Variants in ZZEF1 observed in about 807,000 individuals in gnomAD.
ZZEF1 encodes zinc finger ZZ-type and EF-hand domain-containing protein 1.
Under a neutral mutation model 342.8 loss-of-function variants are expected in ZZEF1, and 157 were observed. The observed-to-expected ratio is 0.46, with a 90% CI of 0.40 to 0.52. ZZEF1 has a LOEUF of 0.52. Among genes scored for constraint, ZZEF1 ranks in the 20% least tolerant of loss-of-function variants. The probability of loss-of-function intolerance (pLI) is 0.00; values close to 1 mark genes in which losing one functional copy is unlikely to be tolerated. For synonymous variants in ZZEF1, 1,505 were observed against 1,429.1 expected (o/e 1.05, Z -1.20); for missense variants, 3,480 against 3,725.6 (o/e 0.93, Z 1.72).
chr17:4,013,290 A>C (rs1451671463), intron 52 of ZZEF1, among the ~76,000 whole-genome samples, 159 bp downstream of exon 52: 1 of 152,234 alleles, frequency 6.6e-6, no homozygotes, highest in Non-Finnish European at 1.5e-5. Flanking sequence ...CAAATAAGAC[A>C]CCAAGAACGC....
Position 4,009,696 on chromosome 17 carries a change from C to G in ZZEF1, c.8641G>C (p.Gly2881Arg), listed in dbSNP as rs566419498. Reference protein sequence around the residue: ...LWQLFTHMEYGLFEDVTQPGI... With the variant: ...LWQLFTHMEYRLFEDVTQPGI... The stretch of plus-strand genomic sequence containing the variant: ...GGCTGCGTCACGTCCTCAAACAGGC[C>G]GTACTCCATGTGGGTAAAGAGCTGC... Residue 2881 changes from glycine (G) to arginine (R), a missense_variant, in exon 53 of 55, where the codon GGC (glycine) becomes CGC (arginine). Around this residue, in one of 5 missense-constraint regions of ZZEF1, gnomAD observed 1,269 missense variants for 1,342.4 expected, o/e 0.95. Transcript: ENST00000381638. 2 of 1,614,040 alleles carry G rather than the reference C, an allele frequency of 1.2e-6. No homozygotes were observed. Among genetic ancestry groups the G allele is most frequent in the East Asian group, 4.5e-5 (2 of 44,868 alleles).
At chr17:4,102,516 GCTAA>G in intron 8 of ZZEF1, 101 bp from the exon 9 acceptor site, 1 of 971,616 alleles carries the variant, frequency 1.0e-6, no homozygotes, top group South Asian at 1.5e-5. Flanking sequence ...TACCCAGACT[GCTAA>G]CTAAAAATCT....
At position 4,051,053 on chromosome 17, in the gene ZZEF1, C is replaced by T; in HGVS notation, c.5601-10G>A. 1 of 1,614,068 alleles carries T rather than the reference C, an allele frequency of 6.2e-7. No individual in the cohort carries two copies. Among genetic ancestry groups the T allele is most frequent in the Non-Finnish European group, 8.5e-7 (1 of 1,180,042 alleles). On this transcript the variant is annotated splice_polypyrimidine_tract_variant and intron_variant, in intron 35 of 54. Coordinates refer to ENST00000381638, the MANE Select transcript of ZZEF1 (RefSeq NM_015113.4). The stretch of plus-strand genomic sequence containing the variant: ...GTGGGTAGGCAAATGGCTGCAAAGG[C>T]AAGACACATTTAAAGCTTACAACCC...
At chr17:4,071,049 T>A in intron 25 of ZZEF1, 125 bp from the exon 26 acceptor site, 1 of 1,146,108 alleles carries the variant, frequency 8.7e-7, no homozygotes, top group South Asian at 1.7e-5. Context: ...AGTTTAAATC[T>A]ATTTTAGGAA....
Position 4,112,704 on chromosome 17 carries a change from T to G in ZZEF1, c.971A>C (p.Asn324Thr). The change falls in exon 5 of 55, where the codon AAT (asparagine) becomes ACT (threonine). Residue 324 changes from asparagine to threonine, a missense_variant. By Grantham distance (65) the Asn-to-Thr change is moderately conservative. Around this residue, in one of 5 missense-constraint regions of ZZEF1, gnomAD observed 92 missense variants for 130.3 expected, o/e 0.71. Transcript: ENST00000381638. Reference protein sequence around the residue: ...PQQVTVAVGRNASDLQEVRDV... With the variant: ...PQQVTVAVGRTASDLQEVRDV... ...TCGGACTTCCTGAAGATCGCTGGCA[T>G]TCCTCCCTACAGCTACTGTCACCTG... The G allele has an allele frequency of 6.2e-7, 1 of 1,614,218 alleles. No individual in the cohort carries two copies. The highest frequency in any genetic ancestry group is 1.1e-5 in the South Asian group (1 of 91,086).
chr17:4,129,745 G>A (rs915060055), intron 1 of ZZEF1, among the ~76,000 whole-genome samples: 1 of 152,076 alleles, frequency 6.6e-6, no homozygotes, highest in Non-Finnish European at 1.5e-5. Context: ...GCTGAGGCAG[G>A]AGAATCACTT....
At chr17:4,041,895 C>G (rs1183075480) in intron 39 of ZZEF1, among the ~76,000 whole-genome samples, 1 of 151,618 alleles carries the variant, frequency 6.6e-6, no homozygotes, top group Admixed American at 6.6e-5. Flanking sequence ...AAAAAAAAAA[C>G]CTGTAAGGGA....
At position 4,014,587 on chromosome 17, in the gene ZZEF1, G is replaced by C; in HGVS notation, c.8146-72C>G. On this transcript the variant is annotated intron_variant, in intron 49 of 54. Coordinates refer to ENST00000381638, the MANE Select transcript of ZZEF1 (RefSeq NM_015113.4). The surrounding 1 kb of genome is among the most constrained non-coding windows in gnomAD (Gnocchi z 4.4). ...ACACTGACTGCAGCTGTCCCATGCC[G>C]AGTCCTGTGGCTGGACCCGGGTGTG... 6.5e-7 allele frequency: 1 copy of C among 1,529,922 alleles called. No individual in the cohort carries two copies. Among genetic ancestry groups the C allele is most frequent in the Non-Finnish European group, 9.0e-7 (1 of 1,112,416 alleles). The allele number at this position is 1,529,922 out of a possible 1,614,324, so 94.8% of individuals were successfully genotyped here.
intron 41 of ZZEF1, 61 bp downstream of exon 41, chr17:4,032,767 T>C: frequency 6.4e-7 from 1 of 1,559,350 alleles, no homozygotes; most frequent in Non-Finnish European, 8.8e-7. Flanking sequence ...ACAGAGGCTT[T>C]GGTGTGTATA....
intron 26 of ZZEF1, among the ~76,000 whole-genome samples, chr17:4,069,542 C>G (rs1355683295): frequency 6.6e-6 from 1 of 151,920 alleles, no homozygotes; most frequent in African/African-American, 2.4e-5. Context: ...TCAATAATAA[C>G]AAAACGAGGC....
At chr17:4,056,178 G>A in intron 33 of ZZEF1, 38 bp downstream of exon 33, 3 of 1,484,684 alleles carry the variant, frequency 2.0e-6, no homozygotes, top group Non-Finnish European at 2.7e-6. Flanking sequence ...CAAACTCCTA[G>A]CAAATCACTT....
At chr17:4,011,847 A>G (rs867485467) in intron 52 of ZZEF1, among the ~76,000 whole-genome samples, 1 of 152,224 alleles carries the variant, frequency 6.6e-6, no homozygotes, top group African/African-American at 2.4e-5. Flanking sequence ...CTGGGTTTTC[A>G]GAGAAGCATG....
At chr17:4,104,458 C>A (rs891229123) in intron 8 of ZZEF1, among the ~76,000 whole-genome samples, 175 bp downstream of exon 8, 4 of 152,170 alleles carry the variant, frequency 2.6e-5, no homozygotes, top group African/African-American at 9.7e-5. Context: ...TCCCCCTTCT[C>A]CCTGCCAATC....
chr17:4,082,582 T>A, intron 16 of ZZEF1, 78 bp from the exon 17 acceptor site: 2 of 1,320,376 alleles, frequency 1.5e-6, no homozygotes, highest in Middle Eastern at 1.8e-4. Flanking sequence ...CAATGAAACA[T>A]CACCACCCCA....
At chr17:4,131,512 C>T (rs548616595) in intron 1 of ZZEF1, among the ~76,000 whole-genome samples, 2 of 151,900 alleles carry the variant, frequency 1.3e-5, no homozygotes, top group African/African-American at 4.8e-5. Flanking sequence ...GACGCAGTGG[C>T]TCATGCCTGT....
intron 11 of ZZEF1, 146 bp from the exon 12 acceptor site, chr17:4,090,976 G>A (rs976665522): frequency 1.1e-5 from 7 of 641,450 alleles, no homozygotes; most frequent in African/African-American, 1.8e-5. Context: ...ATGGTACCCT[G>A]TGAGCACATG....
intron 8 of ZZEF1, among the ~76,000 whole-genome samples, chr17:4,104,212 C>G (rs1256871080): frequency 6.6e-6 from 1 of 152,200 alleles, no homozygotes; most frequent in Non-Finnish European, 1.5e-5. Flanking sequence ...GGAATGCATT[C>G]TAAGACAAAG....
At chr17:4,066,670 T>G in intron 27 of ZZEF1, 130 bp from the exon 28 acceptor site, 1 of 765,852 alleles carries the variant, frequency 1.3e-6, no homozygotes, top group Non-Finnish European at 2.2e-6. Flanking sequence ...TTTAGAGGGG[T>G]TTGTAATACT....
chr17:4,131,950 C>T (rs2058668472), intron 1 of ZZEF1, among the ~76,000 whole-genome samples: 1 of 152,124 alleles, frequency 6.6e-6, no homozygotes, highest in Admixed American at 6.5e-5. Flanking sequence ...AAAGACAACT[C>T]AAGTCTCATC....
Sources: gnomAD v4.1 joint callset for allele counts (sites outside exome capture counted in the v4.1 genomes callset) on GRCh38, gnomAD v4.1.1 for gene constraint, gnomAD v4.1.1 regional missense constraint, Gnocchi (gnomAD v3.1) non-coding constraint, MANE v1.5 for transcripts, NCBI Gene and HGNC (gene_info 2026-07-23, HGNC 2026-07-21) for gene names.